Variants in PRKCD observed in about 807,000 individuals in gnomAD.
PRKCD encodes protein kinase C delta.
In PRKCD, 20 loss-of-function variants were observed where a neutral mutation model predicts 82.2. The observed-to-expected ratio is 0.24, with a 90% CI of 0.17 to 0.35. The LOEUF is 0.35. Ranked by LOEUF, PRKCD falls within the 10% of genes least tolerant of loss-of-function variation. The pLI, the probability that PRKCD is intolerant of heterozygous loss-of-function variation, is 1.00. For missense variants in PRKCD, 607 were observed against 899.0 expected (o/e 0.68, Z 4.15); for synonymous variants, 317 against 337.0 (o/e 0.94, Z 0.65).
At chr3:53,185,470 A>C in intron 10 of PRKCD, 134 bp from the exon 11 acceptor site, 1 of 725,238 alleles carries the variant, frequency 1.4e-6, no homozygotes, top group Non-Finnish European at 2.3e-6. Flanking sequence ...CAGCCCGAGT[A>C]GGGGGCCTGG....
At chr3:53,185,505 G>T in intron 10 of PRKCD, 99 bp from the exon 11 acceptor site, 1 of 970,640 alleles carries the variant, frequency 1.0e-6, no homozygotes, top group Non-Finnish European at 1.6e-6. Context: ...GTCTCCTCTT[G>T]GTGTTAAGGG....
chr3:53,188,705 G>A lies in PRKCD; in HGVS notation c.1416-15G>A. 1 of 1,614,050 alleles carries A rather than the reference G, an allele frequency of 6.2e-7. No individual in the cohort carries two copies. The highest frequency in any genetic ancestry group is 8.5e-7 in the Non-Finnish European group (1 of 1,179,938). The stretch of plus-strand genomic sequence containing the variant: ...AAATGTCCCCTGCTGACTCTTACCT[G>A]TCCCCTGTCCTTAGGGACCTCAAAC... On this transcript the variant is annotated splice_polypyrimidine_tract_variant and intron_variant, in intron 15 of 18. Coordinates refer to ENST00000330452, the MANE Select transcript of PRKCD (RefSeq NM_006254.4).
intron 17 of PRKCD, 130 bp from the exon 18 acceptor site, chr3:53,189,743 C>T: frequency 1.5e-6 from 2 of 1,340,230 alleles, no homozygotes; most frequent in Non-Finnish European, 1.0e-6. Context: ...CTCCCTCAGC[C>T]CCACCGTTCC....
intron 6 of PRKCD, 37 bp from the exon 7 acceptor site, chr3:53,181,664 C>A: frequency 6.2e-7 from 1 of 1,612,548 alleles, no homozygotes; most frequent in South Asian, 1.1e-5. Flanking sequence ...CGATCCCGGT[C>A]CCCGCTCACT....
At chr3:53,167,967 C>T (rs1702887673) in intron 2 of PRKCD, among the ~76,000 whole-genome samples, 1 of 152,256 alleles carries the variant, frequency 6.6e-6, no homozygotes, top group African/African-American at 2.4e-5. Flanking sequence ...GCTCTTCTCC[C>T]CCTCACTCCC....
At chr3:53,185,390 G>C (rs1256966558) in intron 10 of PRKCD, among the ~76,000 whole-genome samples, 1 of 152,240 alleles carries the variant, frequency 6.6e-6, no homozygotes, top group Admixed American at 6.5e-5. Context: ...CAAAACTTCT[G>C]TTTGTAATCA....
rs41295962 is a variant in PRKCD, at chr3:53,187,349, C to T, written c.1362C>T (p.Ala454=). The part of the protein sequence containing the change: ...RFELYRATFY[A]AEIMCGLQFL... ...CCTCTCTCTTGCCCAGGTTTTATGC[C>T]GCTGAGATAATGTGTGGACTGCAGT... Residue 454 remains alanine, a synonymous_variant, in exon 15 of 19, where the codon GCC becomes GCT. Transcript: ENST00000330452. 6.2e-4 allele frequency: 998 copies of T among 1,614,128 alleles called. No individual in the cohort carries two copies. The highest frequency in any genetic ancestry group is 7.7e-4 in the Non-Finnish European group (913 of 1,180,028).
At position 53,161,244 on chromosome 3, in the gene PRKCD, G is replaced by A. The variant is rs1702642741; in HGVS notation, c.-316G>A. 1 of 149,880 alleles carries A rather than the reference G, an allele frequency of 6.7e-6. No individual in the cohort carries two copies. Among genetic ancestry groups the A allele is most frequent in the African/African-American group, 2.4e-5 (1 of 41,116 alleles). The allele number at this position is 149,880 out of a possible 1,614,324, so 9.3% of individuals were successfully genotyped here. A position where few individuals can be genotyped will look rare whatever the true frequency, so the allele number is the denominator to read the frequency against. ...GTGCCGCGGCGCCGGAGCCCGAGGC[G>A]GCTGTAGCCCACATCTCCCGAGCGA... On this transcript the variant is annotated 5_prime_UTR_variant, in exon 1 of 19. Coordinates refer to ENST00000330452, the MANE Select transcript of PRKCD (RefSeq NM_006254.4).
intron 15 of PRKCD, among the ~76,000 whole-genome samples, chr3:53,188,127 G>T (rs1422912965): frequency 3.6e-5 from 5 of 137,042 alleles, no homozygotes; most frequent in African/African-American, 5.2e-5. Flanking sequence ...GGCGGAGGTT[G>T]CAGTGAGCTG....
chr3:53,172,239 C>G (rs72955726), intron 2 of PRKCD, among the ~76,000 whole-genome samples: 9 of 152,040 alleles, frequency 5.9e-5, no homozygotes, highest in Admixed American at 3.3e-4. Context: ...CTTGCTGAGC[C>G]CACTTCCTGG....
rs782470538 is a variant in PRKCD at position 53,179,504 on chromosome 3, G to A, written c.116-73G>A. 1.9e-6 allele frequency: 3 copies of A among 1,587,024 alleles called. No homozygotes were observed. In the South Asian group the frequency reaches 3.3e-5, roughly 18 times the overall value. ...GAGAGTCGGGCAGATTCTGCCAGGG[G>A]AAGGCCGTGGAGGTCTACGAGGGAG... On this transcript the variant is annotated intron_variant, in intron 3 of 18. Transcript: ENST00000330452.
In PRKCD at chr3:53,183,366, G is replaced by A. The variant is rs1703537279; in HGVS notation, c.658-86G>A. ...AGTGGAGCTCTCTTGGGATGTTGTT[G>A]TGCCCAGGGTTGGGGGAGAGCTAGG... On this transcript the variant is annotated intron_variant, in intron 8 of 18. Coordinates refer to ENST00000330452, the MANE Select transcript of PRKCD (RefSeq NM_006254.4). 2.5e-6 allele frequency: 4 copies of A among 1,589,038 alleles called. No individual in the cohort carries two copies. The African/African-American group carries it at 4.0e-5, about 16-fold the overall frequency.
At chr3:53,179,835 T>A (rs1575534353) in intron 4 of PRKCD, 59 bp downstream of exon 4, 2 of 1,537,052 alleles carry the variant, frequency 1.3e-6, no homozygotes, top group South Asian at 2.4e-5. Context: ...TGTGTGTGCA[T>A]GCGTGCATGT....
Position 53,178,536 on chromosome 3 carries a change from A to C in PRKCD, c.114A>C (p.Thr38=). 1 of 1,611,686 alleles carries C rather than the reference A, an allele frequency of 6.2e-7. No individual in the cohort carries two copies. The highest frequency in any genetic ancestry group is 2.2e-5 in the East Asian group (1 of 44,826). ...CAVKMKEALS[T]ERGKTLVQKK... Reference sequence around the variant, plus strand: ...TGAAGATGAAGGAGGCGCTCAGCACAGGTAGGCCTGGAGGCTGGACCCTGG... The same window carrying C: ...TGAAGATGAAGGAGGCGCTCAGCACCGGTAGGCCTGGAGGCTGGACCCTGG... Residue 38 remains threonine, a splice_region_variant and synonymous_variant, in exon 3 of 19, where the codon ACA becomes ACC. Coordinates refer to ENST00000330452, the MANE Select transcript of PRKCD (RefSeq NM_006254.4).
At chr3:53,177,254 T>A (rs1173454200) in intron 2 of PRKCD, among the ~76,000 whole-genome samples, 3 of 152,194 alleles carry the variant, frequency 2.0e-5, no homozygotes, top group Admixed American at 1.3e-4. Context: ...CCTCCTGAAG[T>A]ACCAAGATTA....
At chr3:53,187,487 C>A (rs1275692513) in intron 15 of PRKCD, 85 bp downstream of exon 15, 1 of 1,453,038 alleles carries the variant, frequency 6.9e-7, no homozygotes, top group African/African-American at 1.4e-5. Flanking sequence ...GCAGGATCCC[C>A]CCAACTCCAG....
intron 7 of PRKCD, 112 bp downstream of exon 7, chr3:53,181,844 G>A (rs2107263895): frequency 2.0e-6 from 3 of 1,501,316 alleles, no homozygotes; most frequent in East Asian, 4.7e-5. Flanking sequence ...ATGCACGTGA[G>A]TTTTCCCAGT....
At position 53,179,731 on chromosome 3, in the gene PRKCD, G is replaced by A; in HGVS notation, c.270G>A (p.Val90=). 6.3e-7 allele frequency: 1 copy of A among 1,593,590 alleles called. No homozygotes were observed. The highest frequency in any genetic ancestry group is 8.6e-7 in the Non-Finnish European group (1 of 1,168,308). ...PVSEVTVGVS[V]LAERCKKNNG... is the part of the protein sequence containing the mutation. The stretch of plus-strand genomic sequence containing the variant: ...CTGAGGTGACCGTGGGTGTGTCGGT[G>A]CTGGCCGAGCGCTGCAAGAAGAACA... Residue 90 remains valine (V), a synonymous_variant, in exon 4 of 19, where the codon GTG becomes GTA. Coordinates refer to ENST00000330452, the MANE Select transcript of PRKCD (RefSeq NM_006254.4).
In PRKCD at chr3:53,192,396, C is replaced by T. The variant is rs781848609; in HGVS notation, c.*130C>T. Reference sequence around the variant, plus strand: ...CTGCCCCCAGAGCGTCCTTGGCTGCCGTCTGGCCGGGCTCTCATGGTACTT... The same window carrying T: ...CTGCCCCCAGAGCGTCCTTGGCTGCTGTCTGGCCGGGCTCTCATGGTACTT... On this transcript the variant is annotated 3_prime_UTR_variant, in exon 19 of 19. Transcript: ENST00000330452. 10 of 1,119,760 alleles carry T rather than the reference C, an allele frequency of 8.9e-6. No individual in the cohort carries two copies. In the South Asian group the frequency reaches 1.2e-4, roughly 13 times the overall value. The allele number at this position is 1,119,760 out of a possible 1,614,324, so 69.4% of individuals were successfully genotyped here.
Sources: allele counts gnomAD v4.1 joint callset (sites outside exome capture counted in the v4.1 genomes callset), GRCh38; gene constraint gnomAD v4.1.1; transcripts MANE v1.5; gene names NCBI Gene and HGNC (gene_info 2026-07-23, HGNC 2026-07-21).